FAM227B: variants seen among roughly 807,000 people sequenced by gnomAD.
FAM227B encodes protein FAM227B.
Under a neutral mutation model 73.8 loss-of-function variants are expected in FAM227B, and 88 were observed. That is an observed-to-expected ratio of 1.19 (90% CI 1.00 to 1.42). The LOEUF is 1.42. Ranked by LOEUF, FAM227B falls within the 40% of genes most tolerant of loss-of-function variation. The probability of loss-of-function intolerance (pLI) is 0.00; values close to 1 mark genes in which losing one functional copy is unlikely to be tolerated. For synonymous variants in FAM227B, 210 were observed against 190.5 expected (o/e 1.10, Z -0.84); for missense variants, 632 against 590.9 (o/e 1.07, Z -0.72).
At chr15:49,528,182 TATAA>T (rs1170021069) in intron 10 of FAM227B, among the ~76,000 whole-genome samples, 1 of 151,668 alleles carries the variant, frequency 6.6e-6, no homozygotes, top group East Asian at 1.9e-4. Context: ...ATAGAGAACC[TATAA>T]ATAAACCCAC....
At chr15:49,568,592 T>C (rs1029936016) in intron 8 of FAM227B, among the ~76,000 whole-genome samples, 8 of 152,030 alleles carry the variant, frequency 5.3e-5, no homozygotes, top group African/African-American at 1.4e-4. Flanking sequence ...ATACTTATCT[T>C]AAAGGCGTGC....
At chr15:49,616,125 A>C (rs2078272988) in intron 1 of FAM227B, among the ~76,000 whole-genome samples, 1 of 152,156 alleles carries the variant, frequency 6.6e-6, no homozygotes, top group African/African-American at 2.4e-5. Context: ...TATGGACCTA[A>C]TCATGCCCCC....
chr15:49,514,807 T>C (rs541518537), intron 10 of FAM227B, among the ~76,000 whole-genome samples: 9 of 152,272 alleles, frequency 5.9e-5, no homozygotes, highest in African/African-American at 1.9e-4. Flanking sequence ...ATGCTTTTGA[T>C]GTCTTAGCTA....
At chr15:49,407,586 T>C (rs901297676) in intron 11 of FAM227B, among the ~76,000 whole-genome samples, 2 of 150,494 alleles carry the variant, frequency 1.3e-5, no homozygotes, top group African/African-American at 4.9e-5. Context: ...AACTAGTTTC[T>C]TTACTCTCCG....
chr15:49,492,129 C>A (rs948444041), intron 11 of FAM227B, among the ~76,000 whole-genome samples: 4 of 151,794 alleles, frequency 2.6e-5, no homozygotes, highest in African/African-American at 7.2e-5. Context: ...TTAACAAATG[C>A]AGCAATCACT....
intron 10 of FAM227B, among the ~76,000 whole-genome samples, chr15:49,511,625 T>A (rs986075781): frequency 6.6e-6 from 1 of 152,066 alleles, no homozygotes; most frequent in African/African-American, 2.4e-5. Flanking sequence ...GCATCCCCAA[T>A]AGGCCCTAGT....
chr15:49,426,653 G>T (rs1172987698), intron 11 of FAM227B, among the ~76,000 whole-genome samples: 2 of 151,706 alleles, frequency 1.3e-5, no homozygotes, highest in African/African-American at 4.8e-5. Flanking sequence ...ACAATTTAGT[G>T]CTAACTTTGA....
chr15:49,521,509 A>G (rs2152171060), intron 10 of FAM227B, among the ~76,000 whole-genome samples: 1 of 152,220 alleles, frequency 6.6e-6, no homozygotes, highest in East Asian at 1.9e-4. Flanking sequence ...ACTGGGAACT[A>G]AAGCAAACAA....
chr15:49,514,102 A>T lies in FAM227B; in HGVS notation c.875-5754T>A, dbSNP rs559863595. ...GGGCTCTTTTTTTGGTTCCATCTGA[A>T]TTTTAAAGTAGTTTTTGCTAATTCT... On this transcript the variant is annotated intron_variant, in intron 10 of 15. Transcript: ENST00000299338. Among the ~76,000 whole-genome samples, 6 of 152,166 alleles carry T rather than the reference A, an allele frequency of 3.9e-5. No individual in the cohort carries two copies. The East Asian group carries it at 1.2e-3, about 30-fold the overall frequency.
At chr15:49,379,505 G>T (rs73398223) in intron 11 of FAM227B, among the ~76,000 whole-genome samples, 3 of 151,944 alleles carry the variant, frequency 2.0e-5, no homozygotes, top group Non-Finnish European at 4.4e-5. Context: ...ATTTATTTAT[G>T]GTTCAATCTT....
At chr15:49,531,240 T>C (rs895796152) in intron 10 of FAM227B, among the ~76,000 whole-genome samples, 2 of 151,904 alleles carry the variant, frequency 1.3e-5, no homozygotes, top group South Asian at 4.1e-4. Context: ...CATGTATATA[T>C]GTCTGTGTAC....
At chr15:49,409,066 T>C (rs1163871425) in intron 11 of FAM227B, among the ~76,000 whole-genome samples, 1 of 152,222 alleles carries the variant, frequency 6.6e-6, no homozygotes, top group Non-Finnish European at 1.5e-5. Flanking sequence ...ATGTTTGTCA[T>C]CTTTGGTTCA....
At chr15:49,589,675 G>A (rs979611013) in intron 4 of FAM227B, 101 bp downstream of exon 4, 6 of 721,146 alleles carry the variant, frequency 8.3e-6, no homozygotes, top group Non-Finnish European at 1.4e-5. Flanking sequence ...CACTTTTGGA[G>A]GGTGACTCAG....
chr15:49,441,670 T>C (rs376029994), intron 11 of FAM227B, among the ~76,000 whole-genome samples: 1 of 151,858 alleles, frequency 6.6e-6, no homozygotes, highest in East Asian at 2.0e-4. Flanking sequence ...ATTTCATATG[T>C]TCAGCCTCTC....
intron 11 of FAM227B, among the ~76,000 whole-genome samples, chr15:49,434,036 G>A (rs573361887): frequency 1.5e-4 from 23 of 151,762 alleles, no homozygotes; most frequent in African/African-American, 5.1e-4. Flanking sequence ...CATATGCATA[G>A]GAAGAGAGAA....
rs114869005 is a variant in FAM227B at position 49,609,527 on chromosome 15, T to C, written c.105+1688A>G. 5.4e-3 allele frequency among the ~76,000 whole-genome samples: 826 copies of C among 152,056 alleles called. 16 individuals carry two copies. The highest frequency in any genetic ancestry group is 0.019 in the African/African-American group (791 of 41,544). On this transcript the variant is annotated intron_variant, in intron 3 of 15. Transcript: ENST00000299338. ...AGCTTGGATTAATAACATGATTCAATTCTAAAAGAATAATAGCTCCATAAG... is the reference window on the plus strand; with the variant it reads ...AGCTTGGATTAATAACATGATTCAACTCTAAAAGAATAATAGCTCCATAAG...
chr15:49,589,639 G>A (rs188548227), intron 4 of FAM227B, 137 bp downstream of exon 4: 2 of 620,342 alleles, frequency 3.2e-6, no homozygotes, highest in South Asian at 2.0e-5. Context: ...CTGGCCAGGT[G>A]CACTGGCTTA....
At chr15:49,430,605 A>C (rs748489756) in intron 11 of FAM227B, among the ~76,000 whole-genome samples, 1 of 151,888 alleles carries the variant, frequency 6.6e-6, no homozygotes, top group African/African-American at 2.4e-5. Flanking sequence ...TCCAATATCA[A>C]GGTAATGGCA....
chr15:49,502,248 G>A (rs1037561760), intron 11 of FAM227B, among the ~76,000 whole-genome samples: 12 of 152,192 alleles, frequency 7.9e-5, no homozygotes, highest in Admixed American at 1.3e-4. Context: ...CTCCAGACCC[G>A]AGAACGGTAG....
Sources: gnomAD v4.1 joint callset for allele counts (sites outside exome capture counted in the v4.1 genomes callset) on GRCh38, gnomAD v4.1.1 for gene constraint, MANE v1.5 for transcripts, NCBI Gene and HGNC (gene_info 2026-07-23, HGNC 2026-07-21) for gene names.